ARHGEF11: variants seen among roughly 807,000 people sequenced by gnomAD.
ARHGEF11 encodes the protein Rho guanine exchange factor (GEF) 11.
A neutral mutation model predicts 193.7 loss-of-function variants in ARHGEF11; 55 were observed. That is an observed-to-expected ratio of 0.28 (90% CI 0.23 to 0.36). The LOEUF (loss-of-function observed/expected upper bound fraction) is 0.36, where lower values mean the gene tolerates loss of function less well. Among genes scored for constraint, ARHGEF11 ranks in the 10% least tolerant of loss-of-function variants. ARHGEF11 has a pLI of 1.00. For synonymous variants in ARHGEF11, 693 were observed against 768.0 expected, an observed-to-expected ratio of 0.90 and a Z score of 1.62; for missense variants, 1,723 against 2,005.6, an observed-to-expected ratio of 0.86 and a Z score of 2.69.
intron 1 of ARHGEF11, among the ~76,000 whole-genome samples, chr1:157,016,217 C>T (rs1213970636): frequency 1.3e-5 from 2 of 152,070 alleles, no homozygotes; most frequent in Non-Finnish European, 2.9e-5. Context: ...TCTAATATTA[C>T]TGTTTTTATT....
chr1:156,950,055 T>C (rs970487292), intron 22 of ARHGEF11, among the ~76,000 whole-genome samples: 2 of 152,218 alleles, frequency 1.3e-5, no homozygotes, highest in Non-Finnish European at 2.9e-5. Flanking sequence ...TCTCAAATAT[T>C]TTCTCAAAAT....
chr1:157,024,864 A>G (rs557420042), intron 1 of ARHGEF11, among the ~76,000 whole-genome samples: 8 of 152,328 alleles, frequency 5.3e-5, no homozygotes, highest in Non-Finnish European at 7.4e-5. Flanking sequence ...GTAATAGCTT[A>G]ATAGTTCTCT....
chr1:157,006,741 C>A (rs186831270), intron 1 of ARHGEF11, among the ~76,000 whole-genome samples: 134 of 152,292 alleles, frequency 8.8e-4, no homozygotes, highest in Non-Finnish European at 1.5e-3. Flanking sequence ...TCTGCTGGCA[C>A]CTCCTTCCCT....
intron 1 of ARHGEF11, among the ~76,000 whole-genome samples, chr1:157,033,264 T>C (rs1232914652): frequency 2.0e-5 from 3 of 152,092 alleles, no homozygotes; most frequent in Admixed American, 1.3e-4. Flanking sequence ...TTTTTTTTTA[T>C]TGAATAGTAC....
At chr1:157,032,085 G>T (rs1671377460) in intron 1 of ARHGEF11, among the ~76,000 whole-genome samples, 1 of 152,002 alleles carries the variant, frequency 6.6e-6, no homozygotes, top group African/African-American at 2.4e-5. Context: ...ACTCTTCTGG[G>T]CTTTAATTTT....
intron 1 of ARHGEF11, among the ~76,000 whole-genome samples, chr1:157,038,712 T>C (rs1455292386): frequency 6.6e-6 from 1 of 152,178 alleles, no homozygotes; most frequent in Non-Finnish European, 1.5e-5. Flanking sequence ...TACAATAAAT[T>C]GGGGTATTCT....
At position 156,969,363 on chromosome 1, in the gene ARHGEF11, G is replaced by A. The variant is rs1273571152; in HGVS notation, c.749-5C>T. ...GGGAATCCAGAGAGAGCCGGCCTGAGAAGAAAATAGTTTCTATAACACAGA... is the reference window on the plus strand; with the variant it reads ...GGGAATCCAGAGAGAGCCGGCCTGAAAAGAAAATAGTTTCTATAACACAGA... On this transcript the variant is annotated splice_polypyrimidine_tract_variant and splice_region_variant and intron_variant, in intron 9 of 40. Transcript: ENST00000368194. 6.2e-7 allele frequency: 1 copy of A among 1,601,920 alleles called. No individual in the cohort carries two copies. Among genetic ancestry groups the A allele is most frequent in the African/African-American group, 1.3e-5 (1 of 74,678 alleles).
At chr1:157,035,774 AG>A (rs1671853188) in intron 1 of ARHGEF11, among the ~76,000 whole-genome samples, 1 of 124,492 alleles carries the variant, frequency 8.0e-6, no homozygotes, top group African/African-American at 2.9e-5. Flanking sequence ...ATATATATAC[AG>A]GAATATATAT....
rs113819677 is a variant in ARHGEF11, at chr1:157,001,825, A to G, written c.33-15652T>C. ...GCACAACAGTGAAACGGGTGTTAGGAAGACAAAAATTATTGGCACTGGGAT... is the reference window on the plus strand; with the variant it reads ...GCACAACAGTGAAACGGGTGTTAGGGAGACAAAAATTATTGGCACTGGGAT... On this transcript the variant is annotated intron_variant, in intron 1 of 40. Transcript: ENST00000368194. Among the ~76,000 whole-genome samples, 213 of 152,366 alleles carry G rather than the reference A, an allele frequency of 1.4e-3. 1 individual carries two copies. The highest frequency in any genetic ancestry group is 4.7e-3 in the African/African-American group (195 of 41,588).
chr1:156,967,929 G>GC, intron 11 of ARHGEF11, 58 bp downstream of exon 11: 1 of 1,610,902 alleles, frequency 6.2e-7, no homozygotes, highest in South Asian at 1.1e-5. Context: ...TAACACCCAT[G>GC]CCTCCAAATC....
At chr1:157,006,033 T>C (rs1160735148) in intron 1 of ARHGEF11, among the ~76,000 whole-genome samples, 2 of 152,236 alleles carry the variant, frequency 1.3e-5, no homozygotes, top group African/African-American at 4.8e-5. Flanking sequence ...TACATACACA[T>C]AAAACATTCA....
chr1:156,969,300 G>C lies in ARHGEF11; in HGVS notation c.807C>G (p.Arg269=), dbSNP rs1662190169. 6.2e-7 allele frequency: 1 copy of C among 1,605,220 alleles called. No individual in the cohort carries two copies. The highest frequency in any genetic ancestry group is 1.3e-5 in the African/African-American group (1 of 74,740). The change falls in exon 10 of 41, where the codon CGC becomes CGG. Residue 269 remains arginine (R), a synonymous_variant. Transcript: ENST00000368194. ...GDSGLDSGTE[R]FPSLSESLMN... is the part of the protein sequence containing the mutation. ...GACTCACCTCACTGAGGGAAGGAAAGCGTTCTGTCCCAGAGTCCAAGCCAC... is the reference window on the plus strand; with the variant it reads ...GACTCACCTCACTGAGGGAAGGAAACCGTTCTGTCCCAGAGTCCAAGCCAC...
chr1:157,025,121 T>A (rs1383958305), intron 1 of ARHGEF11, among the ~76,000 whole-genome samples: 2 of 152,206 alleles, frequency 1.3e-5, no homozygotes, highest in Non-Finnish European at 2.9e-5. Context: ...CAAATAAGAC[T>A]TGCAAGTAAA....
intron 2 of ARHGEF11, 48 bp downstream of exon 2, chr1:156,986,034 T>C: frequency 6.8e-7 from 1 of 1,475,950 alleles, no homozygotes; most frequent in Non-Finnish European, 9.5e-7. Context: ...TACAGGCATG[T>C]GCCACCATGC....
At chr1:156,973,489 CCA>C (rs920940260) in intron 7 of ARHGEF11, among the ~76,000 whole-genome samples, 1 of 152,222 alleles carries the variant, frequency 6.6e-6, no homozygotes, top group African/African-American at 2.4e-5. Context: ...CATCCAGTCC[CCA>C]GTTTCAACTA....
intron 1 of ARHGEF11, among the ~76,000 whole-genome samples, chr1:157,013,828 G>A (rs1187302167): frequency 6.6e-6 from 1 of 152,092 alleles, no homozygotes; most frequent in African/African-American, 2.4e-5. Flanking sequence ...TTCCTCCCAG[G>A]TATCAACGTC....
rs201702443 is a variant in ARHGEF11 at position 156,941,944 on chromosome 1, G to T, written c.3372C>A (p.His1124Gln). ...LEEAVRNATR[H>Q]PGAAPMPVHP... ...GGACGGGCATTGGGGCAGCTCCGGG[G>T]TGCCTGGTGGCATTCCGCACGGCCT... The change falls in exon 34 of 41, where the codon CAC becomes CAA. Residue 1124 changes from histidine to glutamine, a missense_variant. Physicochemically the swap from His to Gln is conservative, Grantham distance 24. This residue lies in a region of ARHGEF11 where 203 missense variants were observed against 237.3 expected (regional missense o/e 0.86). Coordinates refer to ENST00000368194, the MANE Select transcript of ARHGEF11 (RefSeq NM_198236.3). 3 of 1,614,008 alleles carry T rather than the reference G, an allele frequency of 1.9e-6. No individual in the cohort carries two copies. The African/African-American group carries it at 4.0e-5, about 22-fold the overall frequency.
chr1:156,955,339 C>G (rs1659790175), intron 20 of ARHGEF11, among the ~76,000 whole-genome samples: 1 of 152,196 alleles, frequency 6.6e-6, no homozygotes. Context: ...ATCTATACTA[C>G]TGTAGTCTTG....
At chr1:156,940,809 G>A (rs1408154702) in intron 35 of ARHGEF11, among the ~76,000 whole-genome samples, 1 of 152,184 alleles carries the variant, frequency 6.6e-6, no homozygotes, top group Admixed American at 6.5e-5. Flanking sequence ...ATGAAGACGT[G>A]AAGGAGGTGT....
Sources: gnomAD v4.1 joint callset for allele counts (sites outside exome capture counted in the v4.1 genomes callset) on GRCh38, gnomAD v4.1.1 for gene constraint, gnomAD v4.1.1 regional missense constraint, MANE v1.5 for transcripts, NCBI Gene and HGNC (gene_info 2026-07-23, HGNC 2026-07-21) for gene names.